The following PCDH10 variants were observed in gnomAD, a reference collection of about 807,000 sequenced individuals.
The protein encoded by PCDH10 is protocadherin-10.
Under a neutral mutation model 74.4 loss-of-function variants are expected in PCDH10, and 15 were observed. The ratio of observed to expected loss-of-function variants is 0.20; its 90% CI spans 0.13 to 0.31. PCDH10 has a LOEUF of 0.31. Among genes scored for constraint, PCDH10 ranks in the 10% least tolerant of loss-of-function variants. The pLI is 1.00. For synonymous variants in PCDH10, 619 were observed against 589.8 expected, an observed-to-expected ratio of 1.05 and a Z score of -0.72; for missense variants, 1,260 against 1,390.2, an observed-to-expected ratio of 0.91 and a Z score of 1.49.
chr4:133,160,538 A>G (rs1413020127), intron 3 of PCDH10, among the ~76,000 whole-genome samples: 1 of 151,178 alleles, frequency 6.6e-6, no homozygotes, highest in African/African-American at 2.4e-5. Flanking sequence ...AGAAAAACAT[A>G]CTTGCCAGAT....
intron 4 of PCDH10, among the ~76,000 whole-genome samples, chr4:133,184,849 A>G (rs752691235): frequency 5.5e-5 from 8 of 145,980 alleles, no homozygotes; most frequent in Non-Finnish European, 4.5e-5. Flanking sequence ...TCACAAGGCA[A>G]TAGTACATTT....
At chr4:133,199,849 G>A (rs1459127094) in intron 2 of PCDH10, among the ~76,000 whole-genome samples, 1 of 150,122 alleles carries the variant, frequency 6.7e-6, no homozygotes, top group Non-Finnish European at 1.5e-5. Context: ...CCAGGTTGGA[G>A]TGCAGTGGCC....
chr4:133,167,203 A>C (rs1727101425), intron 4 of PCDH10, among the ~76,000 whole-genome samples: 1 of 150,466 alleles, frequency 6.6e-6, no homozygotes, highest in South Asian at 2.1e-4. Context: ...TTTTATCAAT[A>C]AACTTTATTT....
At chr4:133,201,425 G>T (rs958662502) in intron 2 of PCDH10, among the ~76,000 whole-genome samples, 1 of 152,072 alleles carries the variant, frequency 6.6e-6, no homozygotes, top group African/African-American at 2.4e-5. Context: ...CTGGGGGAAG[G>T]CCCTGCACAA....
Position 133,182,932 on chromosome 4 carries a change from T to G in PCDH10, c.3104-7209T>G, listed in dbSNP as rs539895819. Among the ~76,000 whole-genome samples, 374 of 152,258 alleles carry G rather than the reference T, an allele frequency of 2.5e-3. 1 individual carries two copies. The highest frequency in any genetic ancestry group is 7.2e-3 in the African/African-American group (298 of 41,582). ...CAAAATTCTATGCTAGTACATTGTC[T>G]TGGCTTTTTTTAAACAAATATTTTA... On this transcript the variant is annotated intron_variant, in intron 4 of 4. Coordinates refer to ENST00000264360, the MANE Select transcript of PCDH10 (RefSeq NM_032961.3).
intron 1 of PCDH10, chr4:133,153,957 A>C: frequency 4.8e-6 from 1 of 206,790 alleles, no homozygotes; most frequent in Non-Finnish European, 9.5e-6. Flanking sequence ...TTTTTAAGCC[A>C]CTGAAGGAAA....
At chr4:133,168,038 T>A in intron 4 of PCDH10, among the ~76,000 whole-genome samples, 1 of 151,428 alleles carries the variant, frequency 6.6e-6, no homozygotes, top group East Asian at 1.9e-4. Context: ...TATTTTATTC[T>A]ACTTCTCTGA....
chr4:133,167,979 T>C (rs1394460525), intron 4 of PCDH10, among the ~76,000 whole-genome samples: 2 of 151,330 alleles, frequency 1.3e-5, no homozygotes, highest in African/African-American at 4.8e-5. Flanking sequence ...TTATATTTTA[T>C]GCTACTTATT....
At chr4:133,203,115 C>G (rs1727936887) in intron 2 of PCDH10, among the ~76,000 whole-genome samples, 1 of 152,024 alleles carries the variant, frequency 6.6e-6, no homozygotes, top group South Asian at 2.1e-4. Context: ...TCTGTATTTC[C>G]AGAAAAGCCC....
chr4:133,164,142 C>A, intron 4 of PCDH10: 1 of 365,880 alleles, frequency 2.7e-6, no homozygotes, highest in South Asian at 2.0e-5. Context: ...ACCACTTTAG[C>A]ACTTCAGAAC....
At chr4:133,176,226 C>A (rs1727292886) in intron 4 of PCDH10, among the ~76,000 whole-genome samples, 1 of 152,022 alleles carries the variant, frequency 6.6e-6, no homozygotes, top group Non-Finnish European at 1.5e-5. Context: ...ATCAGAGAAG[C>A]AATGTGGTGA....
chr4:133,150,083 G>T lies in PCDH10; in HGVS notation c.-58G>T. 7 of 1,459,732 alleles carry T rather than the reference G, an allele frequency of 4.8e-6. No individual in the cohort carries two copies. In the South Asian group the frequency reaches 1.1e-4, roughly 23 times the overall value. 90.4% of individuals were successfully genotyped at this position (1,459,732 alleles called of 1,614,324 possible). ...AGATTTTTTTTTGTTTCGTGGTGGT[G>T]GGGGAGGTGATTGGGTGGCTGACTG... On this transcript the variant is annotated 5_prime_UTR_variant, in exon 1 of 5. Transcript: ENST00000264360.
intron 4 of PCDH10, among the ~76,000 whole-genome samples, chr4:133,188,129 G>A (rs1274343673): frequency 1.3e-5 from 2 of 152,050 alleles, no homozygotes; most frequent in Non-Finnish European, 2.9e-5. Flanking sequence ...AGCTTATTTT[G>A]AAAGGAGTAA....
chr4:133,189,399 C>G (rs1180660561), intron 4 of PCDH10, among the ~76,000 whole-genome samples: 1 of 151,968 alleles, frequency 6.6e-6, no homozygotes, highest in African/African-American at 2.4e-5. Context: ...TTTATCATTA[C>G]AAATAAACAA....
At position 133,191,087 on chromosome 4, in the gene PCDH10, C is replaced by T. The variant is rs1727657180; in HGVS notation, c.*927C>T. 6.6e-6 allele frequency: 1 copy of T among 152,306 alleles called. No homozygotes were observed. The highest frequency in any genetic ancestry group is 2.4e-5 in the African/African-American group (1 of 41,418). The allele number at this position is 152,306 out of a possible 1,614,324, so 9.4% of individuals were successfully genotyped here. ...AAACTATCTAACAATCTGCATAAGT[C>T]TGATTCTATTTCTATGACTTTGAAT... On this transcript the variant is annotated 3_prime_UTR_variant, in exon 5 of 5. Coordinates refer to ENST00000264360, the MANE Select transcript of PCDH10 (RefSeq NM_032961.3).
chr4:133,167,701 G>T (rs564799470), intron 4 of PCDH10, among the ~76,000 whole-genome samples: 34 of 151,302 alleles, frequency 2.2e-4, no homozygotes, highest in African/African-American at 7.7e-4. Context: ...GTTTTTTGTT[G>T]TTCCTGTTCT....
downstream of PCDH10, among the ~76,000 whole-genome samples, chr4:133,195,847 T>C (rs1418291830): frequency 2.6e-5 from 4 of 152,088 alleles, no homozygotes; most frequent in Non-Finnish European, 5.9e-5. Flanking sequence ...ATATATAAAA[T>C]AGGTCACAAT....
At chr4:133,175,581 C>T (rs1727281208) in intron 4 of PCDH10, among the ~76,000 whole-genome samples, 1 of 152,048 alleles carries the variant, frequency 6.6e-6, no homozygotes, top group Non-Finnish European at 1.5e-5. Context: ...AACTGAAATA[C>T]TCTTAAGAGA....
intron 3 of PCDH10, among the ~76,000 whole-genome samples, chr4:133,161,679 A>G (rs1424991570): frequency 6.6e-6 from 1 of 151,702 alleles, no homozygotes; most frequent in Non-Finnish European, 1.5e-5. Flanking sequence ...CAGACTAATA[A>G]TATACTTTTG....
Sources: allele counts gnomAD v4.1 joint callset (sites outside exome capture counted in the v4.1 genomes callset), GRCh38; gene constraint gnomAD v4.1.1; transcripts MANE v1.5; gene names NCBI Gene and HGNC (gene_info 2026-07-23, HGNC 2026-07-21).